NETO2: variants seen among roughly 807,000 people sequenced by gnomAD.
NETO2 encodes neuropilin and tolloid-like protein 2.
A neutral mutation model predicts 62.5 loss-of-function variants in NETO2; 28 were observed. The observed-to-expected ratio is 0.45, with a 90% CI of 0.33 to 0.61. The LOEUF (loss-of-function observed/expected upper bound fraction) is 0.61, where lower values mean the gene tolerates loss of function less well. Among genes scored for constraint, NETO2 ranks in the 20% least tolerant of loss-of-function variants. The probability of loss-of-function intolerance (pLI) is 0.02; values close to 1 mark genes in which losing one functional copy is unlikely to be tolerated. For synonymous variants in NETO2, 214 were observed against 219.1 expected (o/e 0.98, Z 0.21); for missense variants, 548 against 643.2 (o/e 0.85, Z 1.60).
chr16:47,139,458 C>G (rs886136506), intron 1 of NETO2, among the ~76,000 whole-genome samples: 1 of 152,168 alleles, frequency 6.6e-6, no homozygotes, highest in African/African-American at 2.4e-5. Flanking sequence ...CTACATCTTC[C>G]TGTGTTAAGC....
chr16:47,135,023 A>G (rs995293417), intron 1 of NETO2, among the ~76,000 whole-genome samples: 3 of 152,220 alleles, frequency 2.0e-5, no homozygotes, highest in Non-Finnish European at 4.4e-5. Context: ...TATAAAAACG[A>G]CGTATAAAGA....
chr16:47,096,877 C>G (rs527246621), intron 7 of NETO2, among the ~76,000 whole-genome samples: 1 of 152,288 alleles, frequency 6.6e-6, no homozygotes, highest in Admixed American at 6.5e-5. Flanking sequence ...TGGGTACAGC[C>G]CACGGAGGAC....
intron 7 of NETO2, among the ~76,000 whole-genome samples, chr16:47,100,375 A>T (rs111933978): frequency 6.6e-6 from 1 of 152,176 alleles, no homozygotes; most frequent in Non-Finnish European, 1.5e-5. Flanking sequence ...TAAAATCGAC[A>T]CCCTAACATC....
chr16:47,086,364 C>A, intron 7 of NETO2, 25 bp from the exon 8 acceptor site: 7 of 1,500,250 alleles, frequency 4.7e-6, no homozygotes, highest in Non-Finnish European at 6.5e-6. Flanking sequence ...AACAGTGTTG[C>A]AAAGAGCAGG....
At chr16:47,116,679 T>C (rs1963929019) in intron 6 of NETO2, among the ~76,000 whole-genome samples, 1 of 152,210 alleles carries the variant, frequency 6.6e-6, no homozygotes, top group Non-Finnish European at 1.5e-5. Flanking sequence ...TGGATGATAC[T>C]AAAGAATTGG....
rs939482749 is a variant in NETO2, at chr16:47,080,485, T to C, written c.*2736A>G. 6.6e-6 allele frequency: 1 copy of C among 152,218 alleles called. No homozygotes were observed. The allele number at this position is 152,218 out of a possible 1,614,324, so 9.4% of individuals were successfully genotyped here. On this transcript the variant is annotated 3_prime_UTR_variant, in exon 9 of 9. Coordinates refer to ENST00000562435, the MANE Select transcript of NETO2 (RefSeq NM_018092.5). ...CATTTTAGTAAGCAATTTATAAAGT[T>C]TTCTCACTGATCTCAAAGATTAAAG...
At chr16:47,120,286 C>T (rs1487855706) in intron 6 of NETO2, among the ~76,000 whole-genome samples, 1 of 152,126 alleles carries the variant, frequency 6.6e-6, no homozygotes. Flanking sequence ...ATCCCATAAA[C>T]AAGATATATT....
At chr16:47,125,222 TAATCC>T (rs1964131322) in intron 4 of NETO2, among the ~76,000 whole-genome samples, 1 of 152,232 alleles carries the variant, frequency 6.6e-6, no homozygotes, top group African/African-American at 2.4e-5. Context: ...CTGACCAATT[TAATCC>T]AATCAGTCAT....
At chr16:47,141,040 A>G (rs1964452938) in intron 1 of NETO2, among the ~76,000 whole-genome samples, 1 of 152,244 alleles carries the variant, frequency 6.6e-6, no homozygotes, top group Non-Finnish European at 1.5e-5. Flanking sequence ...TCACAGCTAA[A>G]AGTGAATTTT....
intron 7 of NETO2, among the ~76,000 whole-genome samples, chr16:47,101,021 T>A (rs1963530011): frequency 6.6e-6 from 1 of 152,090 alleles, no homozygotes; most frequent in African/African-American, 2.4e-5. Flanking sequence ...CAGGCCAATA[T>A]CCCTGATGAA....
intron 7 of NETO2, among the ~76,000 whole-genome samples, chr16:47,107,310 C>T (rs1180284615): frequency 1.3e-5 from 2 of 152,128 alleles, no homozygotes; most frequent in Non-Finnish European, 2.9e-5. Context: ...CCACAACTCC[C>T]ACATAAAAAC....
rs1963056363 is a variant in NETO2, at chr16:47,081,299, A to G, written c.*1922T>C. 1 of 152,274 alleles carries G rather than the reference A, an allele frequency of 6.6e-6. No homozygotes were observed. Among genetic ancestry groups the G allele is most frequent in the South Asian group, 2.1e-4 (1 of 4,830 alleles). The allele number at this position is 152,274 out of a possible 1,614,324, so 9.4% of individuals were successfully genotyped here. Reference sequence around the variant, plus strand: ...AAATGTTAGCTGGTGTAAGTTACCTACTAAAATGCTTATTCAGCATAACTA... The same window carrying G: ...AAATGTTAGCTGGTGTAAGTTACCTGCTAAAATGCTTATTCAGCATAACTA... On this transcript the variant is annotated 3_prime_UTR_variant, in exon 9 of 9. Coordinates refer to ENST00000562435, the MANE Select transcript of NETO2 (RefSeq NM_018092.5).
intron 7 of NETO2, among the ~76,000 whole-genome samples, chr16:47,094,846 G>A (rs949587022): frequency 1.3e-5 from 2 of 152,096 alleles, no homozygotes; most frequent in African/African-American, 4.8e-5. Flanking sequence ...AGTCTCCTGA[G>A]TGGTGCATAC....
rs755653351 is a variant in NETO2 at position 47,083,414 on chromosome 16, C to T, written c.1385G>A (p.Arg462Gln). ...TNLSSMELPFRNDFAQPQPMK... is the reference protein window; with the variant it reads ...TNLSSMELPFQNDFAQPQPMK... ...TGGCTGTGGTTGTGCAAAGTCATTT[C>T]GGAAAGGAAGTTCCATGGAACTGAG... The change falls in exon 9 of 9, where the codon CGA becomes CAA. Residue 462 changes from arginine (R) to glutamine (Q), a missense_variant. Coordinates refer to ENST00000562435, the MANE Select transcript of NETO2 (RefSeq NM_018092.5). 2.5e-5 allele frequency: 40 copies of T among 1,614,058 alleles called. No individual in the cohort carries two copies. Among genetic ancestry groups the T allele is most frequent in the Admixed American group, 5.0e-5 (3 of 60,006 alleles).
At position 47,128,428 on chromosome 16, in the gene NETO2, G is replaced by C. The variant is rs1402933193; in HGVS notation, c.378C>G (p.Ser126Arg). 6.2e-7 allele frequency: 1 copy of C among 1,614,020 alleles called. No individual in the cohort carries two copies. The highest frequency in any genetic ancestry group is 2.2e-5 in the East Asian group (1 of 44,872). ...PLIDRYCGVK[S>R]PPLIRSTGRF... ...TCCCTGTTGATCTAATTAATGGAGG[G>C]CTTTTCACGCCACAGTAACGATCTA... Residue 126 changes from serine to arginine, a missense_variant, in exon 4 of 9, where the codon AGC (serine) becomes AGG (arginine). Ser to Arg is a moderately radical substitution (Grantham distance 110, BLOSUM62 -1). Transcript: ENST00000562435.
rs887895914 is a variant in NETO2 at position 47,104,868 on chromosome 16, T to C, written c.883+4615A>G. ...CTGAGAAGCTAGGATTACAGGCGTG[T>C]GCCACCACGCCTGGCTAAATTTTGT... is the stretch of plus-strand genomic sequence containing the variant. On this transcript the variant is annotated intron_variant, in intron 7 of 8. Transcript: ENST00000562435. Among the ~76,000 whole-genome samples the C allele has an allele frequency of 2.6e-5, 4 of 152,194 alleles. No homozygotes were observed. In the East Asian group the frequency reaches 5.8e-4, roughly 22 times the overall value.
chr16:47,084,917 G>A (rs1218219649), intron 8 of NETO2, among the ~76,000 whole-genome samples: 2 of 152,144 alleles, frequency 1.3e-5, no homozygotes, highest in South Asian at 2.1e-4. Flanking sequence ...ATAATAAAGT[G>A]CCCAATAAAT....
chr16:47,127,880 G>A (rs1188505219), intron 4 of NETO2, among the ~76,000 whole-genome samples: 1 of 152,202 alleles, frequency 6.6e-6, no homozygotes, highest in East Asian at 1.9e-4. Flanking sequence ...TCCAAGTGCA[G>A]AGCAGTATTC....
chr16:47,127,252 T>C (rs753595850), intron 4 of NETO2, among the ~76,000 whole-genome samples: 1 of 151,942 alleles, frequency 6.6e-6, no homozygotes, highest in Non-Finnish European at 1.5e-5. Context: ...TGCACATCTG[T>C]TTCTGCATTA....
Sources: gnomAD v4.1 joint callset for allele counts (sites outside exome capture counted in the v4.1 genomes callset) on GRCh38, gnomAD v4.1.1 for gene constraint, MANE v1.5 for transcripts, NCBI Gene and HGNC (gene_info 2026-07-23, HGNC 2026-07-21) for gene names.